TMOD2: variants seen among roughly 807,000 people sequenced by gnomAD.
TMOD2 encodes tropomodulin-2.
TMOD2 carries 22 observed loss-of-function variants against 39.9 expected under a neutral mutation model. The ratio of observed to expected loss-of-function variants is 0.55; its 90% CI spans 0.39 to 0.79. TMOD2 has a LOEUF of 0.79. Among genes scored for constraint, TMOD2 ranks in the 30% least tolerant of loss-of-function variants. TMOD2 has a pLI of 0.00. For missense variants in TMOD2, 386 were observed against 413.3 expected, an observed-to-expected ratio of 0.93 and a Z score of 0.57; for synonymous variants, 123 against 146.1, an observed-to-expected ratio of 0.84 and a Z score of 1.14.
Position 51,812,908 on chromosome 15 carries a change from T to G in TMOD2, c.*4454T>G, listed in dbSNP as rs2056165664. On this transcript the variant is annotated 3_prime_UTR_variant, in exon 10 of 10. Transcript: ENST00000249700. ...TTATTGCTTTCATCTCAAATATCCC[T>G]GCTACTCAACCAATCCTAAAGCTAA... 1 of 152,198 alleles carries G rather than the reference T, an allele frequency of 6.6e-6. No individual in the cohort carries two copies. Among genetic ancestry groups the G allele is most frequent in the Non-Finnish European group, 1.5e-5 (1 of 68,058 alleles). The allele number at this position is 152,198 out of a possible 1,614,324, so 9.4% of individuals were successfully genotyped here.
chr15:51,812,799 T>A lies in TMOD2; in HGVS notation c.*4345T>A, dbSNP rs913443946. The A allele has an allele frequency of 1.3e-5, 2 of 152,202 alleles. No homozygotes were observed. The highest frequency in any genetic ancestry group is 2.4e-5 in the African/African-American group (1 of 41,452). 9.4% of individuals were successfully genotyped at this position (152,202 alleles called of 1,614,324 possible). ...CCCTCTTCCACTAATGATGCAATAA[T>A]AGCTGTTTTCATTTTAACGAGCAGA... On this transcript the variant is annotated 3_prime_UTR_variant, in exon 10 of 10. Transcript: ENST00000249700.
At chr15:51,767,557 A>G (rs540896302) in intron 2 of TMOD2, among the ~76,000 whole-genome samples, 11 of 152,172 alleles carry the variant, frequency 7.2e-5, no homozygotes, top group Admixed American at 2.0e-4. Flanking sequence ...TAAACTTAGA[A>G]TTAGCAGTAC....
At chr15:51,770,484 G>A (rs2055846020) in intron 3 of TMOD2, among the ~76,000 whole-genome samples, 1 of 152,114 alleles carries the variant, frequency 6.6e-6, no homozygotes, top group South Asian at 2.1e-4. Flanking sequence ...GGGTTCCAGT[G>A]AATGGCATCT....
intron 9 of TMOD2, 126 bp from the exon 10 acceptor site, chr15:51,808,294 T>C: frequency 1.5e-6 from 1 of 668,582 alleles, no homozygotes; most frequent in Non-Finnish European, 2.5e-6. Flanking sequence ...TGGTTAAGTA[T>C]TAAAATTTAA....
At chr15:51,801,331 A>C (rs1194678412) in intron 8 of TMOD2, among the ~76,000 whole-genome samples, 1 of 151,244 alleles carries the variant, frequency 6.6e-6, no homozygotes, top group Non-Finnish European at 1.5e-5. Flanking sequence ...AAGATTTTCT[A>C]GAGGAATTGG....
Position 51,767,649 on chromosome 15 carries a change from G to A in TMOD2, c.127-613G>A, listed in dbSNP as rs116735699. Among the ~76,000 whole-genome samples the A allele has an allele frequency of 3.9e-3, 589 of 151,570 alleles. 6 individuals carry two copies. The highest frequency in any genetic ancestry group is 0.014 in the African/African-American group (573 of 41,380). Reference sequence around the variant, plus strand: ...CAATTACGGTTAAAAAAAAAAAATCGGAGCCATCCAAAATAGTGATTTTAC... The same window carrying A: ...CAATTACGGTTAAAAAAAAAAAATCAGAGCCATCCAAAATAGTGATTTTAC... On this transcript the variant is annotated intron_variant, in intron 2 of 9. Transcript: ENST00000249700.
At chr15:51,754,151 A>G (rs963649283) in intron 1 of TMOD2, among the ~76,000 whole-genome samples, 2 of 152,158 alleles carry the variant, frequency 1.3e-5, no homozygotes, top group Non-Finnish European at 2.9e-5. Flanking sequence ...ACTTCAAAGT[A>G]TTAGTAATTC....
At chr15:51,757,700 C>T (rs1310738963) in intron 1 of TMOD2, among the ~76,000 whole-genome samples, 2 of 152,168 alleles carry the variant, frequency 1.3e-5, no homozygotes, top group Non-Finnish European at 2.9e-5. Context: ...GCTAACTTCC[C>T]ACGGCAGCAT....
At position 51,801,028 on chromosome 15, in the gene TMOD2, C is replaced by T. The variant is rs556425142; in HGVS notation, c.876+2688C>T. On this transcript the variant is annotated intron_variant, in intron 8 of 9. Coordinates refer to ENST00000249700, the MANE Select transcript of TMOD2 (RefSeq NM_014548.4). ...AGCCTGGCGTCTCTTTATTTGTATA[C>T]GACAAGGAGGATTAAGATTTTCTAG... is the stretch of plus-strand genomic sequence containing the variant. Among the ~76,000 whole-genome samples the T allele has an allele frequency of 1.6e-4, 24 of 152,160 alleles. No homozygotes were observed. The East Asian group carries it at 3.7e-3, about 23-fold the overall frequency.
chr15:51,810,811 T>C lies in TMOD2; in HGVS notation c.*2357T>C, dbSNP rs2056152093. The C allele has an allele frequency of 1.3e-5, 2 of 150,796 alleles. No individual in the cohort carries two copies. The highest frequency in any genetic ancestry group is 6.6e-5 in the Admixed American group (1 of 15,086). 9.3% of individuals were successfully genotyped at this position (150,796 alleles called of 1,614,324 possible). ...TTGACTCTTAAAATCCTGGACCCTA[T>C]AGAGCATTCCTTGCAGCCCCACAGT... On this transcript the variant is annotated 3_prime_UTR_variant, in exon 10 of 10. Coordinates refer to ENST00000249700, the MANE Select transcript of TMOD2 (RefSeq NM_014548.4).
At position 51,768,333 on chromosome 15, in the gene TMOD2, C is replaced by T. The variant is rs758884531; in HGVS notation, c.198C>T (p.Arg66=). 1.1e-5 allele frequency: 17 copies of T among 1,614,158 alleles called. No homozygotes were observed. Among genetic ancestry groups the T allele is most frequent in the South Asian group, 5.5e-5 (5 of 91,090 alleles). Reference sequence around the variant, plus strand: ...AGGCAGCCACCGGCCCCTTTGACCGCGAGCACCTCCTCATGTACCTGGAGA... The same window carrying T: ...AGGCAGCCACCGGCCCCTTTGACCGTGAGCACCTCCTCATGTACCTGGAGA... ...TQKAATGPFD[R]EHLLMYLEKE... The change falls in exon 3 of 10, where the codon CGC becomes CGT. Residue 66 remains arginine, a synonymous_variant. Coordinates refer to ENST00000249700, the MANE Select transcript of TMOD2 (RefSeq NM_014548.4).
chr15:51,798,430 T>C (rs1267903943), intron 8 of TMOD2, 90 bp downstream of exon 8: 1 of 1,450,978 alleles, frequency 6.9e-7, no homozygotes, highest in Non-Finnish European at 9.4e-7. Flanking sequence ...AAAGACACAG[T>C]TCTGTGTGTG....
intron 8 of TMOD2, among the ~76,000 whole-genome samples, chr15:51,804,841 G>A (rs1259162396): frequency 3.3e-5 from 5 of 152,066 alleles, no homozygotes; most frequent in Non-Finnish European, 5.9e-5. Flanking sequence ...AAAGTGCTGG[G>A]ATTACAGGCA....
At chr15:51,800,655 A>T (rs1406762038) in intron 8 of TMOD2, among the ~76,000 whole-genome samples, 1 of 152,128 alleles carries the variant, frequency 6.6e-6, no homozygotes, top group Non-Finnish European at 1.5e-5. Context: ...CAACTTTAGT[A>T]TTTCATTTTG....
At chr15:51,789,401 GATA>G (rs1414773917) in intron 7 of TMOD2, among the ~76,000 whole-genome samples, 11 of 152,044 alleles carry the variant, frequency 7.2e-5, no homozygotes, top group Non-Finnish European at 8.8e-5. Flanking sequence ...ACTCCCACAC[GATA>G]ATAATGGGAG....
chr15:51,788,145 T>G (rs1324455330), intron 7 of TMOD2, among the ~76,000 whole-genome samples: 2 of 152,132 alleles, frequency 1.3e-5, no homozygotes, highest in Non-Finnish European at 2.9e-5. Context: ...AGAGAAGAGC[T>G]TAAATAACCT....
intron 1 of TMOD2, among the ~76,000 whole-genome samples, chr15:51,755,130 A>G (rs760501843): frequency 1.3e-5 from 2 of 152,188 alleles, no homozygotes; most frequent in Non-Finnish European, 2.9e-5. Context: ...GTTGTATACT[A>G]TGAACCATTT....
Position 51,768,244 on chromosome 15 carries a change from A to T in TMOD2, c.127-18A>T. The T allele has an allele frequency of 6.2e-7, 1 of 1,613,980 alleles. No individual in the cohort carries two copies. Among genetic ancestry groups the T allele is most frequent in the Non-Finnish European group, 8.5e-7 (1 of 1,179,894 alleles). ...CCGGCAGACATCTTCCTTCCTGCTC[A>T]CACCTCTTTCTTGTCAGAGTGCCAT... On this transcript the variant is annotated intron_variant, in intron 2 of 9. Coordinates refer to ENST00000249700, the MANE Select transcript of TMOD2 (RefSeq NM_014548.4).
intron 1 of TMOD2, chr15:51,752,521 A>G (rs1258487744): frequency 2.0e-5 from 3 of 152,240 alleles, no homozygotes. Context: ...TAGGACGGGA[A>G]TGAAAAGAAG....
Sources: allele counts gnomAD v4.1 joint callset (sites outside exome capture counted in the v4.1 genomes callset), GRCh38; gene constraint gnomAD v4.1.1; transcripts MANE v1.5; gene names NCBI Gene and HGNC (gene_info 2026-07-23, HGNC 2026-07-21).